The following GON4L variants were observed in gnomAD, a reference collection of about 807,000 sequenced individuals.
GON4L encodes gon-4 like.
A neutral mutation model predicts 211.8 loss-of-function variants in GON4L; 87 were observed. The ratio of observed to expected loss-of-function variants is 0.41; its 90% CI spans 0.35 to 0.49. GON4L has a LOEUF of 0.49. Among genes scored for constraint, GON4L ranks in the 20% least tolerant of loss-of-function variants. The pLI is 0.15. For synonymous variants in GON4L, 875 were observed against 962.6 expected (o/e 0.91, Z 1.68); for missense variants, 2,155 against 2,659.5 (o/e 0.81, Z 4.17).
chr1:155,853,507 G>C lies in GON4L; in HGVS notation c.274C>G (p.Leu92Val), dbSNP rs748743973. ...MLTQNTNVPI[L>V]EGVDVAISQG... ...GAGATGGCCACATCAACACCTTCTA[G>C]AATTGGTACATTTGTGTTCTGGGTG... The change falls in exon 2 of 32, where the codon CTA becomes GTA. Residue 92 changes from leucine (L) to valine (V), a missense_variant. Around this residue, in one of 6 missense-constraint regions of GON4L, gnomAD observed 313 missense variants for 293.2 expected, o/e 1.07. Coordinates refer to ENST00000368331, the MANE Select transcript of GON4L (RefSeq NM_001282860.2). 2 of 1,614,190 alleles carry C rather than the reference G, an allele frequency of 1.2e-6. No individual in the cohort carries two copies. Among genetic ancestry groups the C allele is most frequent in the East Asian group, 4.5e-5 (2 of 44,894 alleles).
Position 155,827,668 on chromosome 1 carries a change from G to A in GON4L, c.506-640C>T, listed in dbSNP as rs182407462. On this transcript the variant is annotated intron_variant, in intron 2 of 31. Coordinates refer to ENST00000368331, the MANE Select transcript of GON4L (RefSeq NM_001282860.2). ...ACCACTGCACTCCAGACTGGACAACGCAGCAAGACCCCGTCACACACACAC... is the reference window on the plus strand; with the variant it reads ...ACCACTGCACTCCAGACTGGACAACACAGCAAGACCCCGTCACACACACAC... 9.1e-5 allele frequency among the ~76,000 whole-genome samples: 13 copies of A among 142,710 alleles called. 2 individuals carry two copies. In the East Asian group the frequency reaches 2.3e-3, roughly 25 times the overall value. The allele number at this position is 142,710 out of a possible 152,430, so 93.6% of individuals were successfully genotyped here.
chr1:155,805,300 G>A (rs1401282351), intron 10 of GON4L, among the ~76,000 whole-genome samples, 159 bp from the exon 11 acceptor site: 21 of 151,894 alleles, frequency 1.4e-4, no homozygotes, highest in Non-Finnish European at 1.5e-5. Flanking sequence ...ACATAAAAAA[G>A]AAATAAAATA....
At chr1:155,848,769 T>C (rs1671483620) in intron 2 of GON4L, among the ~76,000 whole-genome samples, 1 of 152,146 alleles carries the variant, frequency 6.6e-6, no homozygotes, top group Non-Finnish European at 1.5e-5. Context: ...GATTTCTTTG[T>C]CATTTTCAGA....
intron 2 of GON4L, among the ~76,000 whole-genome samples, chr1:155,839,782 C>A (rs1670621647): frequency 6.6e-6 from 1 of 152,010 alleles, no homozygotes; most frequent in East Asian, 1.9e-4. Flanking sequence ...ATTAAGTTAG[C>A]TATAATTAAA....
At chr1:155,788,987 G>C (rs1665239840) in intron 12 of GON4L, among the ~76,000 whole-genome samples, 1 of 151,778 alleles carries the variant, frequency 6.6e-6, no homozygotes, top group Non-Finnish European at 1.5e-5. Context: ...CTACTCGGGA[G>C]TCTGAGGCAG....
intron 19 of GON4L, 143 bp from the exon 20 acceptor site, chr1:155,767,684 C>T: frequency 6.4e-7 from 1 of 1,557,388 alleles, no homozygotes. Flanking sequence ...CACAAACATC[C>T]ATGAACGCAC....
At position 155,826,731 on chromosome 1, in the gene GON4L, T is replaced by A. The variant is rs541237522; in HGVS notation, c.697+106A>T. ...CCTGCTTACAAGGGTGTATTAAATT[T>A]GTAAAAATATAGTGAATTCAGGATA... is the stretch of plus-strand genomic sequence containing the variant. On this transcript the variant is annotated intron_variant, in intron 3 of 31. Transcript: ENST00000368331. The A allele has an allele frequency of 2.0e-4, 156 of 773,162 alleles. 1 individual carries two copies. The African/African-American group carries it at 2.5e-3, about 12-fold the overall frequency. The allele number at this position is 773,162 out of a possible 1,614,324, so 47.9% of individuals were successfully genotyped here. A position where few individuals can be genotyped will look rare whatever the true frequency, so the allele number is the denominator to read the frequency against.
At chr1:155,802,138 A>G (rs541169581) in intron 11 of GON4L, among the ~76,000 whole-genome samples, 28 of 152,342 alleles carry the variant, frequency 1.8e-4, no homozygotes, top group Non-Finnish European at 3.2e-4. Flanking sequence ...TCACAGATGC[A>G]TACCAAAGTA....
rs761105753 is a variant in GON4L at position 155,795,030 on chromosome 1, TAGAATAAACAC to T, written c.1747+9_1747+19del. On this transcript the variant is annotated intron_variant, in intron 12 of 31. Coordinates refer to ENST00000368331, the MANE Select transcript of GON4L (RefSeq NM_001282860.2). ...CTGCAAAGCAGTCAAGAGCAGGACTTAGAATAAACACAGACTCACTGGTGATTCTCACTGCC... is the reference window on the plus strand; with the variant it reads ...CTGCAAAGCAGTCAAGAGCAGGACTTAGACTCACTGGTGATTCTCACTGCC... 7.3e-7 allele frequency: 1 copy of T among 1,365,898 alleles called. No homozygotes were observed. The highest frequency in any genetic ancestry group is 1.7e-5 in the Admixed American group (1 of 59,740). The allele number at this position is 1,365,898 out of a possible 1,614,324, so 84.6% of individuals were successfully genotyped here.
In GON4L at chr1:155,762,295, G is replaced by C; in HGVS notation, c.4806C>G (p.Ser1602Arg). 1.2e-6 allele frequency: 2 copies of C among 1,613,584 alleles called. No individual in the cohort carries two copies. Among genetic ancestry groups the C allele is most frequent in the Non-Finnish European group, 8.5e-7 (1 of 1,179,720 alleles). The part of the protein sequence containing the change: ...RNKRGSRARA[S>R]KDTSKLLLLY... The stretch of plus-strand genomic sequence containing the variant: ...GCAACAGCAGCTTGGAGGTGTCCTT[G>C]CTGGCCCGAGCCCGACTTCCCCGCT... Residue 1602 changes from serine to arginine, a missense_variant, in exon 23 of 32, where the codon AGC (serine) becomes AGG (arginine). Transcript: ENST00000368331.
chr1:155,771,287 A>C, intron 18 of GON4L, 70 bp from the exon 19 acceptor site: 1 of 1,596,348 alleles, frequency 6.3e-7, no homozygotes, highest in Non-Finnish European at 8.6e-7. Context: ...CCAGACTAAC[A>C]CATTTTACAA....
intron 3 of GON4L, among the ~76,000 whole-genome samples, chr1:155,823,722 T>A (rs932567673): frequency 4.0e-5 from 6 of 150,938 alleles, no homozygotes; most frequent in Non-Finnish European, 7.4e-5. Context: ...TGGTGAAACC[T>A]CGTCTCTACT....
At chr1:155,795,654 T>C (rs1449372179) in intron 11 of GON4L, among the ~76,000 whole-genome samples, 1 of 152,024 alleles carries the variant, frequency 6.6e-6, no homozygotes, top group Non-Finnish European at 1.5e-5. Context: ...TTTTCCTTTT[T>C]TTTGAGACAG....
chr1:155,856,474 G>A (rs909509097), intron 1 of GON4L, among the ~76,000 whole-genome samples: 1 of 151,146 alleles, frequency 6.6e-6, no homozygotes, highest in Admixed American at 6.6e-5. Context: ...GGCCTCAAGC[G>A]ATCCTCCCGC....
Position 155,764,826 on chromosome 1 carries a change from C to A in GON4L, c.4473+174G>T, listed in dbSNP as rs910606443. ...TTTAATATAATAAGTAAAATTTCAT[C>A]CTTTCCATCTCATTTCACCTCAACT... On this transcript the variant is annotated intron_variant, in intron 21 of 31. Coordinates refer to ENST00000368331, the MANE Select transcript of GON4L (RefSeq NM_001282860.2). The A allele has an allele frequency of 4.0e-6, 6 of 1,491,868 alleles. No individual in the cohort carries two copies. In the African/African-American group the frequency reaches 8.3e-5, roughly 21 times the overall value. The allele number at this position is 1,491,868 out of a possible 1,614,324, so 92.4% of individuals were successfully genotyped here.
intron 11 of GON4L, among the ~76,000 whole-genome samples, chr1:155,803,247 C>CTTT (rs1017161138): frequency 1.4e-5 from 2 of 141,116 alleles, no homozygotes; most frequent in African/African-American, 2.6e-5. Context: ...ATTTCTTTTT[C>CTTT]TTTTTTTTTT....
At chr1:155,831,195 A>G (rs1346251783) in intron 2 of GON4L, among the ~76,000 whole-genome samples, 1 of 152,048 alleles carries the variant, frequency 6.6e-6, no homozygotes, top group Non-Finnish European at 1.5e-5. Context: ...GCTACTTGGG[A>G]GGCTAAGGTG....
rs900148290 is a variant in GON4L, at chr1:155,846,962, T to C, written c.505+6314A>G. The stretch of plus-strand genomic sequence containing the variant: ...GCAGGGGCCATTGAGGTTGTGCCAT[T>C]GCACTACGGCCTGGGAAACAAGAGT... On this transcript the variant is annotated intron_variant, in intron 2 of 31. Coordinates refer to ENST00000368331, the MANE Select transcript of GON4L (RefSeq NM_001282860.2). 5.9e-5 allele frequency among the ~76,000 whole-genome samples: 9 copies of C among 152,224 alleles called. No individual in the cohort carries two copies. In the South Asian group the frequency reaches 1.9e-3, roughly 32 times the overall value.
chr1:155,855,349 C>T (rs954407504), intron 1 of GON4L, among the ~76,000 whole-genome samples: 1 of 152,052 alleles, frequency 6.6e-6, no homozygotes, highest in African/African-American at 2.4e-5. Flanking sequence ...TCCCTAATAT[C>T]CAGCAGTATC....
Sources: allele counts gnomAD v4.1 joint callset (sites outside exome capture counted in the v4.1 genomes callset), GRCh38; gene constraint gnomAD v4.1.1; regional missense constraint gnomAD v4.1.1; transcripts MANE v1.5; gene names NCBI Gene and HGNC (gene_info 2026-07-23, HGNC 2026-07-21).